ZNF385D: variants seen among roughly 807,000 people sequenced by gnomAD.
ZNF385D encodes zinc finger protein 385D, also known as zinc finger protein 659.
Under a neutral mutation model 35.8 loss-of-function variants are expected in ZNF385D, and 15 were observed. The ratio of observed to expected loss-of-function variants is 0.42; its 90% CI spans 0.28 to 0.64. The LOEUF (loss-of-function observed/expected upper bound fraction) is 0.64. Ranked by LOEUF, ZNF385D falls within the 30% of genes least tolerant of loss-of-function variation. The probability of loss-of-function intolerance (pLI) is 0.23; values close to 1 mark genes in which losing one functional copy is unlikely to be tolerated. For synonymous variants in ZNF385D, 212 were observed against 186.8 expected, an observed-to-expected ratio of 1.13 and a Z score of -1.10; for missense variants, 474 against 494.6, an observed-to-expected ratio of 0.96 and a Z score of 0.39.
intron 1 of ZNF385D, among the ~76,000 whole-genome samples, chr3:21,749,554 G>A (rs1215784326): frequency 1.3e-5 from 2 of 152,152 alleles, no homozygotes; most frequent in African/African-American, 4.8e-5. Flanking sequence ...AACTCTGTTA[G>A]TGGCCAATAA....
chr3:21,791,718 T>A (rs1433714702), intron 3 of ZNF385D, among the ~76,000 whole-genome samples: 1 of 152,166 alleles, frequency 6.6e-6, no homozygotes, highest in Non-Finnish European at 1.5e-5. Context: ...GTCTACATAT[T>A]AAGCCTGGAT....
At chr3:21,678,603 C>A (rs546837784) in intron 1 of ZNF385D, among the ~76,000 whole-genome samples, 1 of 152,086 alleles carries the variant, frequency 6.6e-6, no homozygotes. Context: ...AATTCATGGG[C>A]CTGTTTGACT....
At chr3:21,459,704 C>A (rs1472613237) in intron 4 of ZNF385D, among the ~76,000 whole-genome samples, 1 of 152,148 alleles carries the variant, frequency 6.6e-6, no homozygotes, top group Non-Finnish European at 1.5e-5. Context: ...ACACAACTAT[C>A]TTATCTTGTA....
rs576384119 is a variant in ZNF385D, at chr3:21,457,338, G to T, written c.440-20135C>A. Among the ~76,000 whole-genome samples, 67 of 91,374 alleles carry T rather than the reference G, an allele frequency of 7.3e-4. No individual in the cohort carries two copies. In the South Asian group the frequency reaches 0.017, roughly 23 times the overall value. 59.9% of individuals were successfully genotyped at this position (91,374 alleles called of 152,430 possible). Reference sequence around the variant, plus strand: ...GGTGATTTAAGGAGAGTGGTTATTTGTTGTTGTCGTTGTTGTTGTTGTTGT... The same window carrying T: ...GGTGATTTAAGGAGAGTGGTTATTTTTTGTTGTCGTTGTTGTTGTTGTTGT... On this transcript the variant is annotated intron_variant, in intron 4 of 7. Transcript: ENST00000281523.
intron 2 of ZNF385D, among the ~76,000 whole-genome samples, chr3:22,370,974 A>G (rs191151799): frequency 2.0e-5 from 3 of 152,248 alleles, no homozygotes; most frequent in Non-Finnish European, 4.4e-5. Flanking sequence ...TAATACATTA[A>G]CTCAAGATGT....
intron 3 of ZNF385D, among the ~76,000 whole-genome samples, chr3:21,858,986 C>T (rs2125825718): frequency 6.6e-6 from 1 of 152,110 alleles, no homozygotes; most frequent in Non-Finnish European, 1.5e-5. Flanking sequence ...GATTTGATAT[C>T]ATGAAGCTAG....
At chr3:22,142,053 T>G (rs561811419) in intron 3 of ZNF385D, among the ~76,000 whole-genome samples, 37 of 152,242 alleles carry the variant, frequency 2.4e-4, no homozygotes, top group African/African-American at 8.9e-4. Context: ...TTATTGTGAG[T>G]AACTGAAACA....
intron 2 of ZNF385D, among the ~76,000 whole-genome samples, chr3:22,339,511 T>C (rs746922587): frequency 2.0e-5 from 3 of 152,200 alleles, no homozygotes; most frequent in Non-Finnish European, 4.4e-5. Context: ...ATATGCAGTA[T>C]AGAAATTTGA....
chr3:21,850,667 C>T (rs1478773224), intron 3 of ZNF385D, among the ~76,000 whole-genome samples: 1 of 152,050 alleles, frequency 6.6e-6, no homozygotes. Flanking sequence ...TTGAACAGAA[C>T]TCACACGTGG....
chr3:21,568,608 G>C (rs2063228129), intron 2 of ZNF385D, among the ~76,000 whole-genome samples: 1 of 152,076 alleles, frequency 6.6e-6, no homozygotes, highest in Admixed American at 6.6e-5. Flanking sequence ...AGAAAGTCGA[G>C]GTACTACAGC....
chr3:22,150,006 T>C (rs562340448), intron 3 of ZNF385D, among the ~76,000 whole-genome samples: 5 of 152,294 alleles, frequency 3.3e-5, no homozygotes, highest in African/African-American at 1.2e-4. Flanking sequence ...AATAACTCAG[T>C]TATTTCAGAT....
intron 2 of ZNF385D, 40 bp downstream of exon 2, chr3:21,664,846 A>T: frequency 6.2e-7 from 1 of 1,612,692 alleles, no homozygotes; most frequent in Non-Finnish European, 8.5e-7. Context: ...GTTTTCCAAT[A>T]CCTTCCACTC....
chr3:21,950,066 A>AAATGATGTAG (rs1559784200), intron 3 of ZNF385D, among the ~76,000 whole-genome samples: 1 of 152,118 alleles, frequency 6.6e-6, no homozygotes, highest in African/African-American at 2.4e-5. Flanking sequence ...CTTTGGGTAT[A>AAATGATGTAG]TACCCAGTAA....
chr3:22,141,821 G>C (rs1247737598), intron 3 of ZNF385D, among the ~76,000 whole-genome samples: 1 of 152,168 alleles, frequency 6.6e-6, no homozygotes, highest in African/African-American at 2.4e-5. Flanking sequence ...AGGAAGCTAA[G>C]GCCTAGAAAC....
chr3:21,710,648 A>G (rs1306019684), intron 1 of ZNF385D, among the ~76,000 whole-genome samples: 4 of 152,180 alleles, frequency 2.6e-5, no homozygotes, highest in Non-Finnish European at 4.4e-5. Flanking sequence ...TTGGGACAAG[A>G]TATCTTAAAC....
intron 3 of ZNF385D, among the ~76,000 whole-genome samples, chr3:21,557,367 G>C (rs1353138633): frequency 6.6e-6 from 1 of 152,124 alleles, no homozygotes; most frequent in Non-Finnish European, 1.5e-5. Context: ...AGAGTTTTCA[G>C]CATGAAGGGG....
intron 3 of ZNF385D, among the ~76,000 whole-genome samples, chr3:22,056,577 C>A: frequency 6.6e-6 from 1 of 152,120 alleles, no homozygotes; most frequent in East Asian, 1.9e-4. Context: ...TGGTTCTGAC[C>A]AAAAAACAAA....
intron 3 of ZNF385D, among the ~76,000 whole-genome samples, chr3:21,535,421 C>CG (rs398051671): frequency 6.2e-5 from 6 of 97,552 alleles, no homozygotes; most frequent in Admixed American, 1.2e-4. Context: ...ACTGAAGAAA[C>CG]TGGGTTTTCA....
intron 2 of ZNF385D, among the ~76,000 whole-genome samples, chr3:22,264,370 G>A (rs969706677): frequency 6.6e-6 from 1 of 152,016 alleles, no homozygotes; most frequent in African/African-American, 2.4e-5. Context: ...CCCACTGAAA[G>A]TGGTGAATGC....
Sources: allele counts gnomAD v4.1 joint callset (sites outside exome capture counted in the v4.1 genomes callset), GRCh38; gene constraint gnomAD v4.1.1; transcripts MANE v1.5; gene names NCBI Gene and HGNC (gene_info 2026-07-23, HGNC 2026-07-21).